SUMF1: variants seen among roughly 807,000 people sequenced by gnomAD.
The protein encoded by SUMF1 is formylglycine-generating enzyme.
SUMF1 carries 48 observed loss-of-function variants against 47.6 expected under a neutral mutation model. The ratio of observed to expected loss-of-function variants is 1.01; its 90% confidence interval spans 0.80 to 1.28. SUMF1 has a LOEUF of 1.28. SUMF1 is among the 50% of genes most tolerant of loss of function. The pLI is 0.00. For synonymous variants in SUMF1, 230 were observed against 192.1 expected (o/e 1.20, Z -1.63); for missense variants, 571 against 485.4 (o/e 1.18, Z -1.66).
At chr3:4,165,375 C>A (rs577192523) in intron 8 of SUMF1, among the ~76,000 whole-genome samples, 1 of 151,974 alleles carries the variant, frequency 6.6e-6, no homozygotes, top group Non-Finnish European at 1.5e-5. Flanking sequence ...AGGACACAAC[C>A]AATAGCCCAG....
chr3:4,063,627 A>G (rs546819886), intron 9 of SUMF1, among the ~76,000 whole-genome samples: 2 of 149,734 alleles, frequency 1.3e-5, no homozygotes, highest in East Asian at 3.9e-4. Context: ...CCTTCAGTCC[A>G]TGCTAGAGAC....
At chr3:4,237,164 A>C (rs1037531472) in intron 8 of SUMF1, among the ~76,000 whole-genome samples, 1 of 152,090 alleles carries the variant, frequency 6.6e-6, no homozygotes, top group Non-Finnish European at 1.5e-5. Context: ...TCTTTGGTGG[A>C]GTGCATGGTA....
chr3:4,446,685 G>A (rs1415297203), intron 3 of SUMF1, among the ~76,000 whole-genome samples: 2 of 152,124 alleles, frequency 1.3e-5, no homozygotes, highest in Non-Finnish European at 2.9e-5. Context: ...GATCACACCT[G>A]GGGATCCAGC....
intron 7 of SUMF1, among the ~76,000 whole-genome samples, chr3:4,379,952 A>G (rs904634359): frequency 3.9e-5 from 6 of 152,084 alleles, no homozygotes; most frequent in Non-Finnish European, 7.3e-5. Context: ...CCCATTTGTG[A>G]AAGAAAACAT....
intron 8 of SUMF1, among the ~76,000 whole-genome samples, chr3:4,240,765 C>G (rs889700513): frequency 6.6e-6 from 1 of 151,582 alleles, no homozygotes; most frequent in African/African-American, 2.4e-5. Context: ...AGAAATTATA[C>G]CAAATGTCAT....
intron 8 of SUMF1, among the ~76,000 whole-genome samples, chr3:4,354,911 C>T (rs766705924): frequency 6.6e-6 from 1 of 152,208 alleles, no homozygotes; most frequent in Non-Finnish European, 1.5e-5. Flanking sequence ...CCCACAACCC[C>T]ACAAGGTAGG....
chr3:4,183,099 GTTCCA>G (rs753914383), intron 8 of SUMF1, among the ~76,000 whole-genome samples: 52 of 152,142 alleles, frequency 3.4e-4, no homozygotes, highest in Non-Finnish European at 6.8e-4. Flanking sequence ...TTGGATAACT[GTTCCA>G]TTCCAAGTGC....
chr3:4,245,615 C>T (rs1696646363), intron 8 of SUMF1, among the ~76,000 whole-genome samples: 1 of 152,124 alleles, frequency 6.6e-6, no homozygotes, highest in Admixed American at 6.6e-5. Context: ...CTGGAAGCTT[C>T]CTTCCAGAGG....
At chr3:4,299,176 G>C (rs557288278) in intron 8 of SUMF1, among the ~76,000 whole-genome samples, 1 of 152,332 alleles carries the variant, frequency 6.6e-6, no homozygotes, top group South Asian at 2.1e-4. Context: ...TATAGCTTCT[G>C]AGAGGCAAGG....
At chr3:4,203,404 C>T (rs1695582060) in intron 8 of SUMF1, among the ~76,000 whole-genome samples, 1 of 151,872 alleles carries the variant, frequency 6.6e-6, no homozygotes. Context: ...TATAGCTACT[C>T]CTGCTCTTTC....
chr3:4,172,233 T>C (rs1029541305), intron 8 of SUMF1, among the ~76,000 whole-genome samples: 3 of 152,140 alleles, frequency 2.0e-5, no homozygotes, highest in African/African-American at 7.2e-5. Context: ...GAGACGTTAT[T>C]AAAGATGACT....
chr3:4,316,521 G>A (rs759388346), intron 8 of SUMF1: 22 of 1,584,802 alleles, frequency 1.4e-5, no homozygotes, highest in African/African-American at 8.1e-5. Context: ...TTCTACGGTC[G>A]TTCGACATTT....
At chr3:4,068,036 T>C (rs1695418450) in intron 9 of SUMF1, among the ~76,000 whole-genome samples, 1 of 152,152 alleles carries the variant, frequency 6.6e-6, no homozygotes, top group Admixed American at 6.5e-5. Flanking sequence ...ATTCTAAAAC[T>C]TGTGTTCTTC....
At chr3:4,318,780 C>T (rs529904446) in intron 8 of SUMF1, among the ~76,000 whole-genome samples, 15 of 152,240 alleles carry the variant, frequency 9.9e-5, no homozygotes, top group Non-Finnish European at 2.1e-4. Context: ...TAGTGGCACA[C>T]ACCTGTAATC....
intron 8 of SUMF1, among the ~76,000 whole-genome samples, chr3:4,243,866 C>T (rs1696600274): frequency 2.0e-5 from 3 of 152,150 alleles, no homozygotes; most frequent in Middle Eastern, 6.8e-3. Context: ...TGGAGTGTTA[C>T]AGTCTCCGGT....
intron 8 of SUMF1, among the ~76,000 whole-genome samples, chr3:4,218,959 A>C (rs1178764723): frequency 1.3e-5 from 2 of 152,108 alleles, no homozygotes; most frequent in Non-Finnish European, 2.9e-5. Flanking sequence ...AGATTCTAGT[A>C]GGCAGCTCAA....
chr3:4,293,390 C>T (rs1306556150), intron 8 of SUMF1, among the ~76,000 whole-genome samples: 3 of 152,126 alleles, frequency 2.0e-5, no homozygotes, highest in Non-Finnish European at 2.9e-5. Flanking sequence ...ACCTATTTTG[C>T]CTCTCCTGAG....
chr3:4,313,971 A>C, intron 8 of SUMF1: 1 of 914,270 alleles, frequency 1.1e-6, no homozygotes, highest in Non-Finnish European at 1.6e-6. Context: ...TCCTAGTTAG[A>C]TTTGTCTTAG....
At chr3:4,121,851 G>A (rs1693551943) in intron 8 of SUMF1, among the ~76,000 whole-genome samples, 1 of 151,962 alleles carries the variant, frequency 6.6e-6, no homozygotes, top group African/African-American at 2.4e-5. Flanking sequence ...TATTTTTCCT[G>A]ATCCTCTCCT....
Sources: allele counts gnomAD v4.1 joint callset (sites outside exome capture counted in the v4.1 genomes callset), GRCh38; gene constraint gnomAD v4.1.1; transcripts MANE v1.5; gene names NCBI Gene and HGNC (gene_info 2026-07-23, HGNC 2026-07-21).